LTBP1: variants seen among roughly 807,000 people sequenced by gnomAD.
The protein encoded by LTBP1 is latent transforming growth factor beta binding protein 1.
In LTBP1, 129 loss-of-function variants were observed where a neutral mutation model predicts 207.6. The observed-to-expected ratio is 0.62, with a 90% CI of 0.54 to 0.72. The LOEUF (loss-of-function observed/expected upper bound fraction) is 0.72, where lower values mean the gene tolerates loss of function less well. LTBP1 is among the 30% of genes least tolerant of loss of function. LTBP1 has a pLI of 0.00. For synonymous variants in LTBP1, 963 were observed against 833.7 expected (o/e 1.16, Z -2.67); for missense variants, 2,281 against 2,217.2 (o/e 1.03, Z -0.58).
At chr2:33,012,672 AAG>A (rs1188892630) in intron 2 of LTBP1, among the ~76,000 whole-genome samples, 1 of 152,186 alleles carries the variant, frequency 6.6e-6, no homozygotes, top group African/African-American at 2.4e-5. Context: ...GCAGGCATTT[AAG>A]AGGGGGCTCA....
At chr2:32,967,805 G>A (rs1413343949) in intron 2 of LTBP1, among the ~76,000 whole-genome samples, 7 of 152,306 alleles carry the variant, frequency 4.6e-5, no homozygotes, top group Non-Finnish European at 8.8e-5. Flanking sequence ...GTTGGATGAA[G>A]TAGTAAATAC....
chr2:33,054,218 CCGTT>C (rs1205434496), intron 3 of LTBP1, among the ~76,000 whole-genome samples: 3 of 152,186 alleles, frequency 2.0e-5, no homozygotes, highest in Non-Finnish European at 2.9e-5. Context: ...TCTCCACTGA[CCGTT>C]CGGTTTTTGT....
chr2:33,297,269 A>G (rs2093895622), intron 20 of LTBP1, among the ~76,000 whole-genome samples: 1 of 151,830 alleles, frequency 6.6e-6, no homozygotes, highest in African/African-American at 2.4e-5. Context: ...TTCCCACATG[A>G]TCTCTGTCCC....
chr2:33,121,803 G>GTT (rs200083097), intron 4 of LTBP1, among the ~76,000 whole-genome samples: 5 of 151,200 alleles, frequency 3.3e-5, no homozygotes, highest in African/African-American at 1.2e-4. Context: ...GGTCCAAAGA[G>GTT]TTTTTTTTTG....
chr2:33,276,048 T>C (rs749284177), intron 18 of LTBP1, 125 bp downstream of exon 18: 9 of 1,213,592 alleles, frequency 7.4e-6, no homozygotes, highest in Non-Finnish European at 9.8e-6. Context: ...CTCTTTCTGC[T>C]TCCTAGATTC....
At chr2:33,098,506 C>T (rs545607174) in intron 3 of LTBP1, among the ~76,000 whole-genome samples, 1 of 152,206 alleles carries the variant, frequency 6.6e-6, no homozygotes, top group South Asian at 2.1e-4. Flanking sequence ...GATCTCGGCT[C>T]ACTGCAACTT....
chr2:33,254,548 G>GTTT (rs1573449058), intron 11 of LTBP1, among the ~76,000 whole-genome samples: 1 of 71,994 alleles, frequency 1.4e-5, no homozygotes, highest in Admixed American at 1.3e-4. Flanking sequence ...CTTTAAACTT[G>GTTT]GTTTTTTTTT....
intron 25 of LTBP1, among the ~76,000 whole-genome samples, 196 bp downstream of exon 25, chr2:33,343,159 T>A (rs1406879524): frequency 6.6e-6 from 1 of 152,110 alleles, no homozygotes; most frequent in East Asian, 1.9e-4. Context: ...CCCAGCACTT[T>A]GGGAGGCCAA....
chr2:33,288,627 G>A (rs750828294), intron 19 of LTBP1, among the ~76,000 whole-genome samples: 7 of 152,012 alleles, frequency 4.6e-5, no homozygotes, highest in Admixed American at 2.6e-4. Flanking sequence ...AGGCCGAGGC[G>A]GGCAGATCAC....
intron 24 of LTBP1, among the ~76,000 whole-genome samples, chr2:33,325,018 C>G (rs2094409044): frequency 6.6e-6 from 1 of 151,866 alleles, no homozygotes; most frequent in Non-Finnish European, 1.5e-5. Flanking sequence ...ATTTTTAAAC[C>G]CCATATTTAT....
At chr2:33,171,458 A>C (rs530008762) in intron 5 of LTBP1, among the ~76,000 whole-genome samples, 3 of 150,204 alleles carry the variant, frequency 2.0e-5, no homozygotes, top group Admixed American at 6.7e-5. Context: ...AGTTTAGAGA[A>C]AAAGAATAAA....
intron 24 of LTBP1, among the ~76,000 whole-genome samples, chr2:33,322,358 A>C (rs966530756): frequency 1.3e-5 from 2 of 152,150 alleles, no homozygotes; most frequent in African/African-American, 4.8e-5. Context: ...GATGTCAACA[A>C]CCCGAGTCCT....
At chr2:33,084,809 C>T (rs2078655673) in intron 3 of LTBP1, among the ~76,000 whole-genome samples, 1 of 152,226 alleles carries the variant, frequency 6.6e-6, no homozygotes, top group Non-Finnish European at 1.5e-5. Flanking sequence ...GTCCGTCCCA[C>T]AGCTGCGGGG....
intron 9 of LTBP1, among the ~76,000 whole-genome samples, chr2:33,236,364 G>T (rs1336754561): frequency 6.6e-6 from 1 of 152,108 alleles, no homozygotes; most frequent in African/African-American, 2.4e-5. Flanking sequence ...AACTGTTCTG[G>T]TCATCCTCTT....
intron 9 of LTBP1, among the ~76,000 whole-genome samples, chr2:33,226,903 A>T (rs2091470500): frequency 6.6e-6 from 1 of 152,118 alleles, no homozygotes; most frequent in Admixed American, 6.6e-5. Flanking sequence ...ATAATTATTG[A>T]TGTGGTTAGA....
intron 24 of LTBP1, among the ~76,000 whole-genome samples, chr2:33,321,552 G>T (rs750553574): frequency 3.7e-4 from 57 of 152,224 alleles, no homozygotes; most frequent in Non-Finnish European, 8.8e-5. Flanking sequence ...ATGAACGGGG[G>T]AGAATGAAAG....
chr2:33,035,578 A>G (rs2075882028), intron 3 of LTBP1, among the ~76,000 whole-genome samples: 2 of 152,214 alleles, frequency 1.3e-5, no homozygotes, highest in Admixed American at 6.5e-5. Context: ...GGGTTGTTTT[A>G]TGCATTGTGA....
At chr2:33,287,175 T>A (rs1296386369) in intron 19 of LTBP1, among the ~76,000 whole-genome samples, 1 of 152,212 alleles carries the variant, frequency 6.6e-6, no homozygotes, top group Non-Finnish European at 1.5e-5. Flanking sequence ...TATAACAAAA[T>A]CCTTCTCATT....
intron 12 of LTBP1, among the ~76,000 whole-genome samples, chr2:33,257,937 T>A (rs947027306): frequency 1.3e-5 from 2 of 152,192 alleles, no homozygotes; most frequent in African/African-American, 2.4e-5. Context: ...TAATGGAGGA[T>A]GAAATGAAGG....
Sources: gnomAD v4.1 joint callset for allele counts (sites outside exome capture counted in the v4.1 genomes callset) on GRCh38, gnomAD v4.1.1 for gene constraint, MANE v1.5 for transcripts, NCBI Gene and HGNC (gene_info 2026-07-23, HGNC 2026-07-21) for gene names.